KDM3A: variants seen among roughly 807,000 people sequenced by gnomAD.
The protein encoded by KDM3A is lysine demethylase 3A.
A neutral mutation model predicts 158.0 loss-of-function variants in KDM3A; 60 were observed. That is an observed-to-expected ratio of 0.38 (90% CI 0.31 to 0.47). KDM3A has a LOEUF of 0.47. Among genes scored for constraint, KDM3A ranks in the 20% least tolerant of loss-of-function variants. The probability of loss-of-function intolerance (pLI) is 0.99; values close to 1 mark genes in which losing one functional copy is unlikely to be tolerated. For missense variants in KDM3A, 1,319 were observed against 1,574.3 expected (o/e 0.84, Z 2.74); for synonymous variants, 608 against 549.3 (o/e 1.11, Z -1.49).
chr2:86,442,400 G>A, intron 2 of KDM3A, 167 bp downstream of exon 2: 1 of 656,682 alleles, frequency 1.5e-6, no homozygotes, highest in Non-Finnish European at 2.5e-6. Flanking sequence ...GTTGTATAGA[G>A]CCGAGTTGTG....
chr2:86,482,013 C>T lies in KDM3A; in HGVS notation c.2596C>T (p.Leu866Phe), dbSNP rs768062449. The T allele has an allele frequency of 1.9e-6, 3 of 1,613,994 alleles. No homozygotes were observed. Among genetic ancestry groups the T allele is most frequent in the Admixed American group, 3.3e-5 (2 of 60,026 alleles). Residue 866 changes from leucine to phenylalanine, a missense_variant, in exon 17 of 26, where the codon CTC becomes TTC. Leu to Phe is a conservative substitution (Grantham distance 22). Coordinates refer to ENST00000312912, the MANE Select transcript of KDM3A (RefSeq NM_018433.6). The stretch of plus-strand genomic sequence containing the variant: ...ACCTTTAAGCAAATCCAGCACAGTC[C>T]TCCATACGTTTAACAGCACAATTTT... Reference protein sequence around the residue: ...LPPLSKSSTVLHTFNSTILTP... With the variant: ...LPPLSKSSTVFHTFNSTILTP...
chr2:86,459,310 G>T (rs1012517636), intron 8 of KDM3A, among the ~76,000 whole-genome samples: 5 of 152,182 alleles, frequency 3.3e-5, no homozygotes, highest in Admixed American at 6.5e-5. Context: ...CATAGTATTA[G>T]AAGCTGAGAG....
At chr2:86,450,099 T>C (rs1672379872) in intron 3 of KDM3A, 137 bp downstream of exon 3, 2 of 898,066 alleles carry the variant, frequency 2.2e-6, no homozygotes, top group Non-Finnish European at 3.4e-6. Context: ...TTAAGAACTC[T>C]GCACTTCTGA....
intron 7 of KDM3A, 34 bp downstream of exon 7, chr2:86,456,911 C>T: frequency 6.4e-7 from 1 of 1,568,752 alleles, no homozygotes; most frequent in Non-Finnish European, 8.8e-7. Flanking sequence ...TCTTCTCCTT[C>T]CTCCTTTCCT....
At chr2:86,448,096 G>A (rs555883186) in intron 2 of KDM3A, among the ~76,000 whole-genome samples, 11 of 152,338 alleles carry the variant, frequency 7.2e-5, no homozygotes, top group Admixed American at 4.6e-4. Flanking sequence ...GCCTTGCCAC[G>A]TGGGTGTTCA....
chr2:86,481,896 GT>G (rs778528341), intron 16 of KDM3A, 33 bp from the exon 17 acceptor site: 2 of 1,551,274 alleles, frequency 1.3e-6, no homozygotes, highest in Non-Finnish European at 8.9e-7. Flanking sequence ...CTTTCAGAAT[GT>G]TTTTTCATCT....
At chr2:86,466,012 A>G (rs1673129497) in intron 9 of KDM3A, among the ~76,000 whole-genome samples, 2 of 151,418 alleles carry the variant, frequency 1.3e-5, no homozygotes, top group Admixed American at 1.3e-4. Flanking sequence ...TTTGATACTT[A>G]TAAACCAGCT....
At chr2:86,490,687 C>T (rs1674411099) in intron 23 of KDM3A, 194 bp from the exon 24 acceptor site, 3 of 516,682 alleles carry the variant, frequency 5.8e-6, no homozygotes, top group Admixed American at 3.6e-5. Flanking sequence ...ACTGACATCA[C>T]ATTTTCTTCG....
upstream of KDM3A, among the ~76,000 whole-genome samples, chr2:86,437,149 T>G (rs1682506055): frequency 6.6e-6 from 1 of 150,420 alleles, no homozygotes. Flanking sequence ...ATTATATACT[T>G]TTTTTTTTTG....
At chr2:86,452,224 T>C (rs1672501658) in intron 4 of KDM3A, among the ~76,000 whole-genome samples, 1 of 151,118 alleles carries the variant, frequency 6.6e-6, no homozygotes, top group South Asian at 2.1e-4. Context: ...GATTTCACTG[T>C]TTAAAATGGC....
intron 5 of KDM3A, 77 bp downstream of exon 5, chr2:86,455,264 C>A: frequency 1.4e-5 from 11 of 758,840 alleles, no homozygotes; most frequent in Non-Finnish European, 2.2e-5. Context: ...TTTAGCCTCT[C>A]ATTCATTTGC....
chr2:86,482,594 C>T lies in KDM3A; in HGVS notation c.2822C>T (p.Thr941Ile), dbSNP rs772294776. 3 of 1,613,956 alleles carry T rather than the reference C, an allele frequency of 1.9e-6. No individual in the cohort carries two copies. Among genetic ancestry groups the T allele is most frequent in the Middle Eastern group, 1.7e-4 (1 of 6,060 alleles). ...TIKPSILGFDTPHYWLCDNRL... is the reference protein window; with the variant it reads ...TIKPSILGFDIPHYWLCDNRL... ...AAGCCCAGCATTCTGGGCTTTGACACTCCTCACTATTGGCTTTGTGATAAT... is the reference window on the plus strand; with the variant it reads ...AAGCCCAGCATTCTGGGCTTTGACATTCCTCACTATTGGCTTTGTGATAAT... The change falls in exon 18 of 26, where the codon ACT becomes ATT. Residue 941 changes from threonine (T) to isoleucine (I), a missense_variant. Thr to Ile is a moderately conservative substitution (Grantham distance 89). Coordinates refer to ENST00000312912, the MANE Select transcript of KDM3A (RefSeq NM_018433.6).
At chr2:86,488,168 C>CAT (rs1418352139) in intron 21 of KDM3A, 1 of 152,134 alleles carries the variant, frequency 6.6e-6, no homozygotes, top group Admixed American at 6.6e-5. Context: ...TCCATGCTGT[C>CAT]ATATATCATC....
chr2:86,450,975 A>C (rs1672435348), intron 3 of KDM3A, 128 bp from the exon 4 acceptor site: 1 of 577,316 alleles, frequency 1.7e-6, no homozygotes, highest in East Asian at 2.9e-5. Flanking sequence ...TTGTTATGAG[A>C]TAACTTGCAG....
At position 86,449,828 on chromosome 2, in the gene KDM3A, G is replaced by C. The variant is rs778098329; in HGVS notation, c.208G>C (p.Glu70Gln). ...CTAGGTGTGTGTGGAATTTGATGGG[G>C]AATCTTGGAGGAAAAGAAGATGGAT... is the stretch of plus-strand genomic sequence containing the variant. ...DLKVCVEFDG[E>Q]SWRKRRWIEV... Residue 70 changes from glutamate to glutamine, a missense_variant, in exon 3 of 26, where the codon GAA (glutamate) becomes CAA (glutamine). Coordinates refer to ENST00000312912, the MANE Select transcript of KDM3A (RefSeq NM_018433.6). 41 of 1,612,126 alleles carry C rather than the reference G, an allele frequency of 2.5e-5. No individual in the cohort carries two copies. The highest frequency in any genetic ancestry group is 3.4e-5 in the Admixed American group (2 of 59,518).
At position 86,442,030 on chromosome 2, in the gene KDM3A, C is replaced by T. The variant is rs771054383; in HGVS notation, c.-18C>T. 27 of 1,600,664 alleles carry T rather than the reference C, an allele frequency of 1.7e-5. No homozygotes were observed. Among genetic ancestry groups the T allele is most frequent in the South Asian group, 6.6e-5 (6 of 90,946 alleles). ...TGTGTTTTTGCAGGGAGGAGCTCTT[C>T]CTGCAGGCGTGGAAACCATGGTGCT... On this transcript the variant is annotated 5_prime_UTR_variant, in exon 2 of 26. Transcript: ENST00000312912.
intron 2 of KDM3A, chr2:86,443,184 T>C (rs1682811660): frequency 6.6e-6 from 1 of 152,238 alleles, no homozygotes; most frequent in African/African-American, 2.4e-5. Context: ...GAACAGAAGA[T>C]ATTTCCACCC....
chr2:86,442,239 G>GGCA lies in KDM3A; in HGVS notation c.186+8_186+9insAGC, dbSNP rs771705903. The GGCA allele has an allele frequency of 2.9e-5, 47 of 1,595,970 alleles. No individual in the cohort carries two copies. The highest frequency in any genetic ancestry group is 3.7e-5 in the Non-Finnish European group (43 of 1,167,596). ...TTACCAAGAAGGATCTGAAGGTACA[G>GGCA]GCGGCTCCGGGCCTCTGCCACCGGA... On this transcript the variant is annotated splice_region_variant and intron_variant, in intron 2 of 25. Transcript: ENST00000312912.
intron 1 of KDM3A, among the ~76,000 whole-genome samples, chr2:86,441,708 GC>G (rs1397426521): frequency 6.6e-6 from 1 of 151,094 alleles, no homozygotes; most frequent in African/African-American, 2.4e-5. Flanking sequence ...TCTTTTCGGG[GC>G]TGGGGGCTGA....
Sources: gnomAD v4.1 joint callset for allele counts (sites outside exome capture counted in the v4.1 genomes callset) on GRCh38, gnomAD v4.1.1 for gene constraint, MANE v1.5 for transcripts, NCBI Gene and HGNC (gene_info 2026-07-23, HGNC 2026-07-21) for gene names.